OSBPL6: variants seen among roughly 807,000 people sequenced by gnomAD.
OSBPL6 encodes oxysterol-binding protein-related protein 6.
OSBPL6 carries 49 observed loss-of-function variants against 125.8 expected under a neutral mutation model. That is an observed-to-expected ratio of 0.39 (90% confidence interval 0.31 to 0.49). The LOEUF is 0.49. Ranked by LOEUF, OSBPL6 falls within the 20% of genes least tolerant of loss-of-function variation. The pLI is 0.88. For missense variants in OSBPL6, 986 were observed against 1,135.4 expected (o/e 0.87, Z 1.89); for synonymous variants, 394 against 391.8 (o/e 1.01, Z -0.07).
At chr2:178,228,324 A>C (rs1028510755) in intron 1 of OSBPL6, among the ~76,000 whole-genome samples, 1 of 152,196 alleles carries the variant, frequency 6.6e-6, no homozygotes. Context: ...TCATGAGGTC[A>C]GGAGATCGAG....
At chr2:178,197,373 G>C (rs1047953792) in intron 1 of OSBPL6, among the ~76,000 whole-genome samples, 1 of 152,130 alleles carries the variant, frequency 6.6e-6, no homozygotes, top group African/African-American at 2.4e-5. Flanking sequence ...GGTAGCATGT[G>C]GGGAGGAACA....
At chr2:178,361,336 T>C (rs1692334604) in intron 12 of OSBPL6, among the ~76,000 whole-genome samples, 2 of 152,230 alleles carry the variant, frequency 1.3e-5, no homozygotes, top group Non-Finnish European at 1.5e-5. Flanking sequence ...GATAATCAAA[T>C]ATGGCAAGTA....
chr2:178,282,950 G>A (rs1559198675), intron 1 of OSBPL6, among the ~76,000 whole-genome samples: 1 of 152,200 alleles, frequency 6.6e-6, no homozygotes, highest in Non-Finnish European at 1.5e-5. Context: ...ACTGCGCCTG[G>A]CCTGCTAGGG....
At chr2:178,309,268 T>C (rs1025398399) in intron 3 of OSBPL6, among the ~76,000 whole-genome samples, 1 of 152,088 alleles carries the variant, frequency 6.6e-6, no homozygotes, top group African/African-American at 2.4e-5. Flanking sequence ...TATCTTTTTA[T>C]GTACTGATCT....
chr2:178,388,126 T>C (rs1695104258), intron 20 of OSBPL6, among the ~76,000 whole-genome samples: 1 of 152,248 alleles, frequency 6.6e-6, no homozygotes, highest in Non-Finnish European at 1.5e-5. Context: ...GATGTAACAT[T>C]TCATTTGAAA....
At chr2:178,344,340 G>T (rs771058337) in intron 11 of OSBPL6, 1 of 1,614,166 alleles carries the variant, frequency 6.2e-7, no homozygotes, top group Admixed American at 1.7e-5. Flanking sequence ...GCAGAGGCTA[G>T]CGGCAGCAGT....
At chr2:178,211,639 G>C (rs370929385) in intron 1 of OSBPL6, among the ~76,000 whole-genome samples, 1 of 152,182 alleles carries the variant, frequency 6.6e-6, no homozygotes, top group East Asian at 1.9e-4. Flanking sequence ...GTCTCTACCT[G>C]ACCCCATTCT....
intron 1 of OSBPL6, among the ~76,000 whole-genome samples, chr2:178,196,226 T>C (rs2088878448): frequency 2.0e-5 from 3 of 152,228 alleles, no homozygotes; most frequent in African/African-American, 4.8e-5. Flanking sequence ...AGAATATGCA[T>C]AGCCCTCATT....
intron 8 of OSBPL6, 152 bp from the exon 9 acceptor site, chr2:178,336,149 C>A: frequency 1.0e-6 from 1 of 965,454 alleles, no homozygotes; most frequent in Non-Finnish European, 1.5e-6. Flanking sequence ...CCTCACTGGG[C>A]ACAAACCACA....
At chr2:178,328,158 T>A in intron 4 of OSBPL6, 98 bp from the exon 5 acceptor site, 1 of 1,502,716 alleles carries the variant, frequency 6.7e-7, no homozygotes, top group Non-Finnish European at 9.1e-7. Flanking sequence ...CTGGTGGGCC[T>A]AGTACTGCTT....
chr2:178,382,884 A>T, intron 16 of OSBPL6, 140 bp from the exon 17 acceptor site: 1 of 1,423,206 alleles, frequency 7.0e-7, no homozygotes, highest in Non-Finnish European at 9.3e-7. Context: ...GCATTGAAAG[A>T]ATTCCATTTA....
At chr2:178,199,017 T>G (rs55729109) in intron 1 of OSBPL6, among the ~76,000 whole-genome samples, 4,607 of 152,338 alleles carry the variant, frequency 0.03, 96 homozygotes, top group South Asian at 0.088. Flanking sequence ...CTATTAGATA[T>G]GACAGTTTGT....
At chr2:178,385,579 G>A in intron 19 of OSBPL6, 58 bp downstream of exon 19, 1 of 1,286,204 alleles carries the variant, frequency 7.8e-7, no homozygotes, top group Non-Finnish European at 1.1e-6. Context: ...AAAATATCTG[G>A]CTTCCAAAGG....
At chr2:178,293,707 T>C (rs769761999) in intron 2 of OSBPL6, among the ~76,000 whole-genome samples, 4 of 152,106 alleles carry the variant, frequency 2.6e-5, no homozygotes, top group Admixed American at 6.6e-5. Flanking sequence ...CTCCCTGTTA[T>C]GCAATTAAAT....
rs1045908607 is a variant in OSBPL6 at position 178,399,289 on chromosome 2, T to G, written c.*3730T>G. On this transcript the variant is annotated 3_prime_UTR_variant, in exon 25 of 25. Coordinates refer to ENST00000190611, the MANE Select transcript of OSBPL6 (RefSeq NM_032523.4). ...TTTTTTTCCCCAAAAGCTTCCCAGT[T>G]GTTTAGAAATAATACTATCCAAAGT... 3 of 152,200 alleles carry G rather than the reference T, an allele frequency of 2.0e-5. No homozygotes were observed. The highest frequency in any genetic ancestry group is 7.2e-5 in the African/African-American group (3 of 41,442). The allele number at this position is 152,200 out of a possible 1,614,324, so 9.4% of individuals were successfully genotyped here.
chr2:178,204,383 C>G (rs1277715271), intron 1 of OSBPL6, among the ~76,000 whole-genome samples: 1 of 152,190 alleles, frequency 6.6e-6, no homozygotes, highest in African/African-American at 2.4e-5. Context: ...GTGAACATCT[C>G]CCTTTTCCTT....
chr2:178,263,074 A>T (rs1028644888), intron 1 of OSBPL6, among the ~76,000 whole-genome samples: 23 of 150,146 alleles, frequency 1.5e-4, no homozygotes, highest in African/African-American at 2.7e-4. Context: ...AATTAGATTT[A>T]AAAAAAAAAC....
intron 3 of OSBPL6, among the ~76,000 whole-genome samples, chr2:178,307,000 T>C (rs1286959126): frequency 6.6e-6 from 1 of 152,222 alleles, no homozygotes; most frequent in Non-Finnish European, 1.5e-5. Context: ...ATGATTATTT[T>C]CCATCATAAT....
At chr2:178,255,430 C>T (rs867138026) in intron 1 of OSBPL6, among the ~76,000 whole-genome samples, 2 of 152,236 alleles carry the variant, frequency 1.3e-5, no homozygotes, top group South Asian at 2.1e-4. Context: ...ATGGGAAAAA[C>T]GCTCCCCAGG....
Sources: gnomAD v4.1 joint callset for allele counts (sites outside exome capture counted in the v4.1 genomes callset) on GRCh38, gnomAD v4.1.1 for gene constraint, MANE v1.5 for transcripts, NCBI Gene and HGNC (gene_info 2026-07-23, HGNC 2026-07-21) for gene names.